The following NKAIN2 variants were observed in gnomAD, a reference collection of about 807,000 sequenced individuals.
NKAIN2 encodes sodium/potassium-transporting ATPase subunit beta-1-interacting protein 2.
In NKAIN2, 14 loss-of-function variants were observed where a neutral mutation model predicts 32.6. The observed-to-expected ratio is 0.43, with a 90% CI of 0.28 to 0.67. NKAIN2 has a LOEUF of 0.67. NKAIN2 is among the 30% of genes least tolerant of loss of function. NKAIN2 has a pLI of 0.17. For synonymous variants in NKAIN2, 80 were observed against 87.2 expected (o/e 0.92, Z 0.46); for missense variants, 198 against 258.3 (o/e 0.77, Z 1.60).
chr6:124,476,067 T>A (rs9398757), intron 3 of NKAIN2, among the ~76,000 whole-genome samples: 851 of 18,440 alleles, frequency 0.046, 4 homozygotes, highest in South Asian at 0.3. Flanking sequence ...AGAGAGAGAG[T>A]GTGTGTGTGT....
In NKAIN2 at chr6:124,124,677, C is replaced by T. The variant is rs140681286; in HGVS notation, c.55-158328C>T. On this transcript the variant is annotated intron_variant, in intron 1 of 6. Coordinates refer to ENST00000368417, the MANE Select transcript of NKAIN2 (RefSeq NM_001040214.3). Reference sequence around the variant, plus strand: ...TAAAAATAAATAATTATTAGTATTACGCCTGTCTTTGTATTGTTTTTTCTT... The same window carrying T: ...TAAAAATAAATAATTATTAGTATTATGCCTGTCTTTGTATTGTTTTTTCTT... Among the ~76,000 whole-genome samples the T allele has an allele frequency of 5.3e-5, 8 of 152,176 alleles. No homozygotes were observed. In the East Asian group the frequency reaches 5.8e-4, roughly 11 times the overall value.
At chr6:124,479,234 AG>A (rs1777351783) in intron 3 of NKAIN2, among the ~76,000 whole-genome samples, 1 of 152,166 alleles carries the variant, frequency 6.6e-6, no homozygotes, top group African/African-American at 2.4e-5. Context: ...GTAAAAACTA[AG>A]GAAATCTGAA....
intron 1 of NKAIN2, among the ~76,000 whole-genome samples, chr6:124,015,753 G>A (rs1780539691): frequency 6.6e-6 from 1 of 152,112 alleles, no homozygotes. Flanking sequence ...TACTTTATAC[G>A]CTCATATAAG....
At chr6:123,831,130 TTTC>T (rs1480521669) in intron 1 of NKAIN2, among the ~76,000 whole-genome samples, 2 of 152,198 alleles carry the variant, frequency 1.3e-5, no homozygotes, top group African/African-American at 4.8e-5. Flanking sequence ...ACTTTCTTTT[TTTC>T]TTCTTCTTAC....
chr6:124,793,601 A>G (rs758922845), intron 5 of NKAIN2, among the ~76,000 whole-genome samples: 18 of 151,402 alleles, frequency 1.2e-4, no homozygotes, highest in Non-Finnish European at 1.0e-4. Context: ...TGTCTCCTAC[A>G]TGCATAATCA....
chr6:124,382,811 A>G (rs1772705674), intron 3 of NKAIN2, among the ~76,000 whole-genome samples: 1 of 152,156 alleles, frequency 6.6e-6, no homozygotes, highest in Admixed American at 6.5e-5. Context: ...TGTGGTGACA[A>G]TTTAATCACA....
At chr6:124,435,292 T>C (rs576502713) in intron 3 of NKAIN2, among the ~76,000 whole-genome samples, 7 of 151,998 alleles carry the variant, frequency 4.6e-5, no homozygotes, top group African/African-American at 1.7e-4. Context: ...CATCATTAAG[T>C]TGTATGGAGC....
Position 123,914,022 on chromosome 6 carries a change from C to A in NKAIN2, c.54+109768C>A, listed in dbSNP as rs555633853. The stretch of plus-strand genomic sequence containing the variant: ...CTTTACAATAGCTCTCTGTATTAGT[C>A]AGCTTGGAATGTTATAATAAAATAC... On this transcript the variant is annotated intron_variant, in intron 1 of 6. Coordinates refer to ENST00000368417, the MANE Select transcript of NKAIN2 (RefSeq NM_001040214.3). 3.9e-5 allele frequency among the ~76,000 whole-genome samples: 6 copies of A among 152,110 alleles called. No individual in the cohort carries two copies. In the South Asian group the frequency reaches 1.2e-3, roughly 32 times the overall value.
chr6:124,766,165 G>C (rs1778505479), intron 4 of NKAIN2, among the ~76,000 whole-genome samples: 1 of 152,114 alleles, frequency 6.6e-6, no homozygotes, highest in Admixed American at 6.5e-5. Flanking sequence ...TTTGCACCAA[G>C]GTACTACCTT....
intron 3 of NKAIN2, among the ~76,000 whole-genome samples, chr6:124,419,234 C>T (rs376624198): frequency 5.9e-5 from 9 of 152,104 alleles, no homozygotes; most frequent in African/African-American, 1.9e-4. Context: ...TTACCCCAAG[C>T]TTCACTTCTC....
At chr6:124,623,758 C>A (rs1783196964) in intron 3 of NKAIN2, among the ~76,000 whole-genome samples, 1 of 152,134 alleles carries the variant, frequency 6.6e-6, no homozygotes, top group Non-Finnish European at 1.5e-5. Flanking sequence ...TCTTCCTTGT[C>A]TTCCTGGTTT....
At chr6:124,165,582 T>C (rs1364590587) in intron 1 of NKAIN2, among the ~76,000 whole-genome samples, 1 of 151,838 alleles carries the variant, frequency 6.6e-6, no homozygotes. Flanking sequence ...TAATTACATA[T>C]ATATACATGT....
chr6:124,684,474 T>C (rs1188478920), intron 4 of NKAIN2, among the ~76,000 whole-genome samples: 1 of 152,202 alleles, frequency 6.6e-6, no homozygotes, highest in East Asian at 1.9e-4. Flanking sequence ...TAAACTTTGA[T>C]GTCCACTACC....
At chr6:124,158,047 C>A (rs1004925845) in intron 1 of NKAIN2, among the ~76,000 whole-genome samples, 1 of 152,112 alleles carries the variant, frequency 6.6e-6, no homozygotes, top group African/African-American at 2.4e-5. Context: ...TATATTTTTT[C>A]TGCTTATATT....
chr6:124,646,911 A>C (rs1784191083), intron 3 of NKAIN2, among the ~76,000 whole-genome samples: 1 of 152,108 alleles, frequency 6.6e-6, no homozygotes. Context: ...AGATCATGCC[A>C]CTGCACTCCA....
intron 1 of NKAIN2, among the ~76,000 whole-genome samples, chr6:124,030,729 A>G (rs751572877): frequency 6.6e-6 from 1 of 152,166 alleles, no homozygotes; most frequent in Non-Finnish European, 1.5e-5. Context: ...AAGCATGAAC[A>G]TACTCTTATG....
At chr6:124,625,482 T>C (rs1783283989) in intron 3 of NKAIN2, among the ~76,000 whole-genome samples, 1 of 152,088 alleles carries the variant, frequency 6.6e-6, no homozygotes, top group South Asian at 2.1e-4. Context: ...TTTGTTTCAT[T>C]TTTATCTGGG....
At chr6:124,739,197 G>A (rs1295528558) in intron 4 of NKAIN2, among the ~76,000 whole-genome samples, 1 of 151,838 alleles carries the variant, frequency 6.6e-6, no homozygotes, top group Non-Finnish European at 1.5e-5. Flanking sequence ...GATAAATATG[G>A]AACCAGGATT....
rs1025920627 is a variant in NKAIN2, at chr6:124,271,940, G to A, written c.55-11065G>A. Among the ~76,000 whole-genome samples, 21 of 152,218 alleles carry A rather than the reference G, an allele frequency of 1.4e-4. 1 individual carries two copies. Among genetic ancestry groups the A allele is most frequent in the African/African-American group, 3.1e-4 (13 of 41,542 alleles). On this transcript the variant is annotated intron_variant, in intron 1 of 6. Transcript: ENST00000368417. ...AGAGAGATGATTTAGGGTATCTGGC[G>A]GAAGAAATTTCTAGCAGTGAAGCAT...
Sources: allele counts gnomAD v4.1 joint callset (sites outside exome capture counted in the v4.1 genomes callset), GRCh38; gene constraint gnomAD v4.1.1; transcripts MANE v1.5; gene names NCBI Gene and HGNC (gene_info 2026-07-23, HGNC 2026-07-21).